The following AHI1 variants were observed in gnomAD, a reference collection of about 807,000 sequenced individuals.
AHI1 encodes Abelson helper integration site 1.
In AHI1, 123 loss-of-function variants were observed where a neutral mutation model predicts 149.3. That is an observed-to-expected ratio of 0.82 (90% CI 0.71 to 0.96). The LOEUF (loss-of-function observed/expected upper bound fraction) is 0.96. Among genes scored for constraint, AHI1 ranks in the 40% least tolerant of loss-of-function variants. AHI1 has a pLI of 0.00. For synonymous variants in AHI1, 475 were observed against 459.8 expected, an observed-to-expected ratio of 1.03 and a Z score of -0.42; for missense variants, 1,439 against 1,422.7, an observed-to-expected ratio of 1.01 and a Z score of -0.18.
At position 135,463,165 on chromosome 6, in the gene AHI1, T is replaced by TG; in HGVS notation, c.890dup (p.Pro299ThrfsTer2). Reference sequence around the variant, plus strand: ...TTTTTGTTTTTTTTGGTTTAGGTTTTGTATCATCTTGCATGCTGTCTTCTG... The same window carrying TG: ...TTTTTGTTTTTTTTGGTTTAGGTTTTGGTATCATCTTGCATGCTGTCTTCTG... On this transcript the variant is annotated frameshift_variant, in exon 8 of 29. Coordinates refer to ENST00000265602, the MANE Select transcript of AHI1 (RefSeq NM_001134831.2). LOFTEE classifies it high-confidence loss of function. The TG allele has an allele frequency of 6.2e-7, 1 of 1,603,064 alleles. No homozygotes were observed. The highest frequency in any genetic ancestry group is 1.1e-5 in the South Asian group (1 of 88,500).
chr6:135,489,202 T>C (rs1583498925), intron 5 of AHI1, among the ~76,000 whole-genome samples: 1 of 152,168 alleles, frequency 6.6e-6, no homozygotes, highest in East Asian at 1.9e-4. Flanking sequence ...CTAGTGTACT[T>C]ATTTCTGAAA....
intron 22 of AHI1, among the ~76,000 whole-genome samples, chr6:135,396,858 T>C (rs552581695): frequency 2.6e-5 from 4 of 151,824 alleles, no homozygotes; most frequent in Admixed American, 2.0e-4. Context: ...GATATAGATA[T>C]ATCTATAGAT....
At chr6:135,309,305 T>G (rs1187120223) in intron 26 of AHI1, among the ~76,000 whole-genome samples, 1 of 152,178 alleles carries the variant, frequency 6.6e-6, no homozygotes, top group East Asian at 1.9e-4. Flanking sequence ...TATGGGACAC[T>G]TATCTCTCTA....
intron 11 of AHI1, among the ~76,000 whole-genome samples, chr6:135,450,989 T>A (rs1389468997): frequency 7.2e-6 from 1 of 139,486 alleles, no homozygotes; most frequent in Non-Finnish European, 1.6e-5. Flanking sequence ...ATTTTAATTG[T>A]CTTCATGCCA....
At chr6:135,354,248 T>C in intron 24 of AHI1, among the ~76,000 whole-genome samples, 1 of 152,154 alleles carries the variant, frequency 6.6e-6, no homozygotes, top group Non-Finnish European at 1.5e-5. Flanking sequence ...ATGTAGGAGC[T>C]TTACAAAAAT....
At chr6:135,301,065 C>T (rs529721705) in intron 26 of AHI1, 468 of 985,118 alleles carry the variant, frequency 4.8e-4, no homozygotes, top group Admixed American at 9.2e-4. Flanking sequence ...GTGAGAAAAA[C>T]AATAAGCACT....
At chr6:135,346,846 G>A (rs1343510343) in intron 24 of AHI1, among the ~76,000 whole-genome samples, 1 of 152,168 alleles carries the variant, frequency 6.6e-6, no homozygotes, top group Non-Finnish European at 1.5e-5. Flanking sequence ...CAAGGTCACA[G>A]GTGACTCTGC....
At chr6:135,320,143 A>G (rs1786583714) in intron 25 of AHI1, among the ~76,000 whole-genome samples, 1 of 152,156 alleles carries the variant, frequency 6.6e-6, no homozygotes, top group Non-Finnish European at 1.5e-5. Flanking sequence ...AATTCAGGTA[A>G]AAAAAGGATA....
At chr6:135,492,172 TTAAAAG>T (rs1795341786) in intron 4 of AHI1, 50 bp downstream of exon 4, 3 of 1,370,196 alleles carry the variant, frequency 2.2e-6, no homozygotes, top group East Asian at 2.5e-5. Flanking sequence ...TAAACCAAAC[TTAAAAG>T]TAAATGTATA....
intron 24 of AHI1, among the ~76,000 whole-genome samples, chr6:135,346,597 AT>A (rs1415838949): frequency 3.3e-5 from 5 of 152,170 alleles, no homozygotes; most frequent in Non-Finnish European, 7.4e-5. Context: ...AAAGAAAAGA[AT>A]TAAGATTAGA....
rs60857616 is a variant in AHI1, at chr6:135,294,324, T to TCAAAACAAAA, written c.3486-3809_3486-3800dup. Among the ~76,000 whole-genome samples, 761 of 148,086 alleles carry TCAAAACAAAA rather than the reference T, an allele frequency of 5.1e-3. 7 individuals carry two copies. The highest frequency in any genetic ancestry group is 8.9e-3 in the African/African-American group (354 of 39,762). ...CCGGGTGACAGTGCAAGACTCCATC[T>TCAAAACAAAA]CAAAACAAAACAAAACAAAACAAAA... On this transcript the variant is annotated intron_variant, in intron 27 of 28. Coordinates refer to ENST00000265602, the MANE Select transcript of AHI1 (RefSeq NM_001134831.2).
At chr6:135,318,666 C>CTCA in intron 25 of AHI1, 50 bp from the exon 26 acceptor site, 5 of 1,215,944 alleles carry the variant, frequency 4.1e-6, no homozygotes, top group Non-Finnish European at 4.6e-6. Context: ...AGCACTGCTC[C>CTCA]ATGGGGGAAA....
chr6:135,290,035 G>C (rs1345914031), intron 28 of AHI1, among the ~76,000 whole-genome samples: 1 of 151,914 alleles, frequency 6.6e-6, no homozygotes, highest in Non-Finnish European at 1.5e-5. Context: ...CACCGCAGAT[G>C]GCTCCTTCTC....
intron 24 of AHI1, among the ~76,000 whole-genome samples, chr6:135,346,988 C>T (rs978045410): frequency 2.0e-5 from 3 of 152,186 alleles, no homozygotes; most frequent in African/African-American, 7.2e-5. Context: ...AATTGAAGTG[C>T]CCCTCTTCCC....
chr6:135,351,960 T>C (rs573383073), intron 24 of AHI1, among the ~76,000 whole-genome samples: 3 of 152,208 alleles, frequency 2.0e-5, no homozygotes, highest in Admixed American at 2.0e-4. Context: ...CTTCCAATGA[T>C]GGGATCTCCC....
In AHI1 at chr6:135,301,635, T is replaced by C. The variant is rs73557689; in HGVS notation, c.3427-1077A>G. ...ATTATTACTGCTAGCTGTAGAGCTT[T>C]AAGTCAAGCATAATAAAAACAAGAA... On this transcript the variant is annotated intron_variant, in intron 26 of 28. Transcript: ENST00000265602. 837 of 985,446 alleles carry C rather than the reference T, an allele frequency of 8.5e-4. 5 individuals are homozygous for C. In the African/African-American group the frequency reaches 0.014, roughly 16 times the overall value. The allele number at this position is 985,446 out of a possible 1,614,324, so 61.0% of individuals were successfully genotyped here.
At chr6:135,310,857 G>C (rs1390542841) in intron 26 of AHI1, among the ~76,000 whole-genome samples, 3 of 151,762 alleles carry the variant, frequency 2.0e-5, no homozygotes, top group African/African-American at 7.3e-5. Flanking sequence ...AAGGTAAATA[G>C]TACTTTACTA....
chr6:135,364,715 C>A (rs1377611307), intron 23 of AHI1, among the ~76,000 whole-genome samples: 2 of 152,210 alleles, frequency 1.3e-5, no homozygotes, highest in South Asian at 2.1e-4. Context: ...CACAGCGAAT[C>A]CCCGTCTCCA....
At chr6:135,352,989 T>C (rs1471842886) in intron 24 of AHI1, among the ~76,000 whole-genome samples, 1 of 151,872 alleles carries the variant, frequency 6.6e-6, no homozygotes, top group Non-Finnish European at 1.5e-5. Context: ...TTTAAGAGTT[T>C]TTCAGGTAGA....
Sources: allele counts gnomAD v4.1 joint callset (sites outside exome capture counted in the v4.1 genomes callset), GRCh38; gene constraint gnomAD v4.1.1; transcripts MANE v1.5; gene names NCBI Gene and HGNC (gene_info 2026-07-23, HGNC 2026-07-21).